MYO3B: variants seen among roughly 807,000 people sequenced by gnomAD.
The protein encoded by MYO3B is myosin IIIB, also known as myosin-IIIb.
Under a neutral mutation model 174.6 loss-of-function variants are expected in MYO3B, and 156 were observed. The observed-to-expected ratio is 0.89, with a 90% confidence interval of 0.78 to 1.02. MYO3B has a LOEUF of 1.02. Among genes scored for constraint, MYO3B ranks in the 50% least tolerant of loss-of-function variants. The pLI, the probability that MYO3B is intolerant of heterozygous loss-of-function variation, is 0.00. For synonymous variants in MYO3B, 563 were observed against 569.1 expected, an observed-to-expected ratio of 0.99 and a Z score of 0.15; for missense variants, 1,632 against 1,639.4, an observed-to-expected ratio of 1.00 and a Z score of 0.08.
chr2:170,561,248 C>CATT (rs1691692744), intron 32 of MYO3B, among the ~76,000 whole-genome samples: 1 of 152,224 alleles, frequency 6.6e-6, no homozygotes, highest in South Asian at 2.1e-4. Context: ...TCCCTCTCAT[C>CATT]TACCACCCTG....
chr2:170,280,681 G>C (rs2093501537), intron 7 of MYO3B, among the ~76,000 whole-genome samples: 1 of 151,798 alleles, frequency 6.6e-6, no homozygotes, highest in Admixed American at 6.6e-5. Flanking sequence ...TCCAGCTTCA[G>C]TCTTCTGCAT....
At chr2:170,507,344 A>C (rs1428985206) in intron 28 of MYO3B, among the ~76,000 whole-genome samples, 1 of 152,018 alleles carries the variant, frequency 6.6e-6, no homozygotes, top group Non-Finnish European at 1.5e-5. Context: ...CTCTCATGCT[A>C]TCTTGGTTTC....
At chr2:170,582,779 G>GA (rs1693235222) in intron 32 of MYO3B, among the ~76,000 whole-genome samples, 1 of 152,052 alleles carries the variant, frequency 6.6e-6, no homozygotes, top group African/African-American at 2.4e-5. Context: ...CTTTTGTTAA[G>GA]AAAAAAATCG....
chr2:170,197,070 A>G (rs1038897299), intron 1 of MYO3B, among the ~76,000 whole-genome samples: 3 of 151,586 alleles, frequency 2.0e-5, no homozygotes, highest in Non-Finnish European at 4.4e-5. Flanking sequence ...TGGATGGCCA[A>G]CTTCTCCTGT....
chr2:170,619,777 C>T (rs370582797), intron 32 of MYO3B, among the ~76,000 whole-genome samples: 11 of 67,320 alleles, frequency 1.6e-4, no homozygotes, highest in Admixed American at 4.6e-4. Flanking sequence ...GACAGAGTCT[C>T]GTTCTGTTGC....
At chr2:170,431,100 T>C (rs1490281308) in intron 22 of MYO3B, among the ~76,000 whole-genome samples, 1 of 152,196 alleles carries the variant, frequency 6.6e-6, no homozygotes, top group African/African-American at 2.4e-5. Flanking sequence ...TTTATTGTAT[T>C]TTTAAATGGG....
intron 28 of MYO3B, among the ~76,000 whole-genome samples, chr2:170,507,534 G>A (rs183278164): frequency 1.5e-3 from 234 of 152,190 alleles, no homozygotes; most frequent in African/African-American, 5.5e-3. Flanking sequence ...CAAGTAGCTA[G>A]GATTACAGAC....
intron 14 of MYO3B, among the ~76,000 whole-genome samples, chr2:170,387,834 G>A (rs895341040): frequency 6.6e-6 from 1 of 152,104 alleles, no homozygotes; most frequent in South Asian, 2.1e-4. Flanking sequence ...CTCATCTGTG[G>A]AATGGAAATG....
In MYO3B at chr2:170,653,785, A is replaced by G. The variant is rs528300291; in HGVS notation, c.*664A>G. The G allele has an allele frequency of 6.6e-6, 1 of 152,240 alleles. No homozygotes were observed. Among genetic ancestry groups the G allele is most frequent in the South Asian group, 2.1e-4 (1 of 4,822 alleles). The allele number at this position is 152,240 out of a possible 1,614,324, so 9.4% of individuals were successfully genotyped here. A position where few individuals can be genotyped will look rare whatever the true frequency, so the allele number is the denominator to read the frequency against. ...GAGAAAGCCTCTGTCTCTTTATTTC[A>G]CCTTGCCAAGACACCCACACTACTT... On this transcript the variant is annotated 3_prime_UTR_variant, in exon 35 of 35. Coordinates refer to ENST00000408978, the MANE Select transcript of MYO3B (RefSeq NM_138995.5).
chr2:170,490,318 G>A (rs920963607), intron 25 of MYO3B, among the ~76,000 whole-genome samples: 4 of 152,064 alleles, frequency 2.6e-5, no homozygotes, highest in East Asian at 3.8e-4. Flanking sequence ...GTGAGCCACC[G>A]CACCCGGCCT....
intron 7 of MYO3B, among the ~76,000 whole-genome samples, chr2:170,245,687 C>T: frequency 6.6e-6 from 1 of 152,198 alleles, no homozygotes; most frequent in East Asian, 1.9e-4. Flanking sequence ...GTAAAGTTTT[C>T]TTAAGTATCC....
At chr2:170,238,880 T>G (rs1292270535) in intron 7 of MYO3B, among the ~76,000 whole-genome samples, 1 of 152,182 alleles carries the variant, frequency 6.6e-6, no homozygotes, top group Non-Finnish European at 1.5e-5. Flanking sequence ...ATCCACCTTC[T>G]CCTTTCTCTT....
intron 32 of MYO3B, among the ~76,000 whole-genome samples, chr2:170,580,044 T>C (rs1693030853): frequency 6.6e-6 from 1 of 152,092 alleles, no homozygotes; most frequent in Non-Finnish European, 1.5e-5. Flanking sequence ...TGATCAACCG[T>C]GCTAGAGAAA....
At chr2:170,361,651 G>A (rs544483380) in intron 8 of MYO3B, among the ~76,000 whole-genome samples, 5 of 152,350 alleles carry the variant, frequency 3.3e-5, no homozygotes, top group African/African-American at 1.2e-4. Flanking sequence ...TTTTCTTGGA[G>A]ATACCTCTCT....
rs182599580 is a variant in MYO3B at position 170,515,062 on chromosome 2, A to G, written c.3472+40A>G. ...GATTTAGAATGAGTGTTCTAAATTC[A>G]GGGGCATTCCGGAGAAGGTTCCAAA... On this transcript the variant is annotated intron_variant, in intron 29 of 34. Transcript: ENST00000408978. 15,174 of 1,558,392 alleles carry G rather than the reference A, an allele frequency of 9.7e-3. 99 individuals are homozygous for G. The highest frequency in any genetic ancestry group is 0.012 in the Non-Finnish European group (13,293 of 1,133,984).
intron 32 of MYO3B, among the ~76,000 whole-genome samples, chr2:170,556,687 A>G (rs983627546): frequency 2.0e-5 from 3 of 152,024 alleles, no homozygotes; most frequent in African/African-American, 7.2e-5. Context: ...ACGTCTGGCT[A>G]ATTTTTTGTA....
chr2:170,437,629 TA>T, intron 22 of MYO3B, among the ~76,000 whole-genome samples: 1 of 152,248 alleles, frequency 6.6e-6, no homozygotes, highest in South Asian at 2.1e-4. Context: ...TGTTTCCTTA[TA>T]AAGGCTCTAG....
intron 8 of MYO3B, among the ~76,000 whole-genome samples, chr2:170,362,474 G>A (rs1343278639): frequency 6.6e-6 from 1 of 152,222 alleles, no homozygotes; most frequent in African/African-American, 2.4e-5. Flanking sequence ...CAGTAGCCAT[G>A]TGGTCTCTTG....
chr2:170,211,942 TAAAA>T (rs35573351), intron 3 of MYO3B, among the ~76,000 whole-genome samples: 4 of 139,232 alleles, frequency 2.9e-5, no homozygotes, highest in African/African-American at 5.3e-5. Context: ...AATGTTTTCT[TAAAA>T]AAAAAAAAAA....
Sources: gnomAD v4.1 joint callset for allele counts (sites outside exome capture counted in the v4.1 genomes callset) on GRCh38, gnomAD v4.1.1 for gene constraint, MANE v1.5 for transcripts, NCBI Gene and HGNC (gene_info 2026-07-23, HGNC 2026-07-21) for gene names.